KANSL1L: variants seen among roughly 807,000 people sequenced by gnomAD.
KANSL1L encodes the protein KAT8 regulatory NSL complex subunit 1-like protein.
A neutral mutation model predicts 108.6 loss-of-function variants in KANSL1L; 25 were observed. The ratio of observed to expected loss-of-function variants is 0.23; its 90% CI spans 0.17 to 0.32. The LOEUF (loss-of-function observed/expected upper bound fraction) is 0.32, where lower values mean the gene tolerates loss of function less well. Ranked by LOEUF, KANSL1L falls within the 10% of genes least tolerant of loss-of-function variation. KANSL1L has a pLI of 1.00. For missense variants in KANSL1L, 1,137 were observed against 1,125.7 expected, an observed-to-expected ratio of 1.01 and a Z score of -0.14; for synonymous variants, 405 against 395.1, an observed-to-expected ratio of 1.03 and a Z score of -0.30.
intron 2 of KANSL1L, among the ~76,000 whole-genome samples, chr2:210,143,588 A>G (rs775800917): frequency 4.6e-5 from 7 of 152,036 alleles, no homozygotes; most frequent in Non-Finnish European, 1.0e-4. Flanking sequence ...TTCTGTAATT[A>G]TATGCCTGGA....
chr2:210,036,905 C>T (rs959376647), intron 8 of KANSL1L, among the ~76,000 whole-genome samples: 9 of 151,458 alleles, frequency 5.9e-5, no homozygotes, highest in South Asian at 2.1e-4. Flanking sequence ...AACAGGTGCA[C>T]GCCACCATGC....
chr2:210,100,291 G>A (rs972138790), intron 4 of KANSL1L, among the ~76,000 whole-genome samples: 4 of 151,990 alleles, frequency 2.6e-5, no homozygotes, highest in Non-Finnish European at 2.9e-5. Flanking sequence ...CCCACCCTGC[G>A]GAAAAATTGT....
intron 3 of KANSL1L, among the ~76,000 whole-genome samples, chr2:210,114,496 A>T (rs1214904171): frequency 6.6e-6 from 1 of 152,174 alleles, no homozygotes; most frequent in African/African-American, 2.4e-5. Context: ...AAAGACGTAG[A>T]TAGTAACTTA....
chr2:210,109,618 T>G (rs1325060208), intron 3 of KANSL1L, among the ~76,000 whole-genome samples: 1 of 152,102 alleles, frequency 6.6e-6, no homozygotes, highest in South Asian at 2.1e-4. Context: ...TGTCAGCTAT[T>G]GGTCTATATT....
Position 210,075,562 on chromosome 2 carries a change from C to G in KANSL1L, c.1745G>C (p.Trp582Ser), listed in dbSNP as rs142740279. ...KLYRLSPTFY[W>S]TPQTLPSKET... ...CAAAGGCAGCCTTACCTGTGGAGTC[C>G]AATAAAAAGTAGGGCTCAATCTGTA... Residue 582 changes from tryptophan to serine, a missense_variant, in exon 6 of 15, where the codon TGG (tryptophan) becomes TCG (serine). By Grantham distance (177) the Trp-to-Ser change is radical. This residue lies in a region of KANSL1L where 575 missense variants were observed against 567.1 expected (regional missense o/e 1.01). Coordinates refer to ENST00000281772, the MANE Select transcript of KANSL1L (RefSeq NM_152519.4). The G allele has an allele frequency of 6.8e-6, 11 of 1,612,494 alleles. No individual in the cohort carries two copies. The highest frequency in any genetic ancestry group is 9.3e-6 in the Non-Finnish European group (11 of 1,178,908).
chr2:210,070,208 A>C (rs1435177853), intron 6 of KANSL1L, among the ~76,000 whole-genome samples: 2 of 143,766 alleles, frequency 1.4e-5, no homozygotes, highest in East Asian at 4.1e-4. Flanking sequence ...CTGTGTCTCA[A>C]ATCTCTTTCT....
rs1477508734 is a variant in KANSL1L, at chr2:210,021,437, TTAATTAAAAAAC to T, written c.*1500_*1511del. ...CAACACACGGCATATAGAAATAACT[TTAATTAAAAAAC>T]TTACATAGAAGATTATAATATCAGA... is the stretch of plus-strand genomic sequence containing the variant. On this transcript the variant is annotated 3_prime_UTR_variant, in exon 15 of 15. Transcript: ENST00000281772. The T allele has an allele frequency of 9.2e-5, 14 of 152,534 alleles. No homozygotes were observed. The highest frequency in any genetic ancestry group is 2.7e-4 in the African/African-American group (11 of 41,440). 9.4% of individuals were successfully genotyped at this position (152,534 alleles called of 1,614,324 possible).
intron 4 of KANSL1L, among the ~76,000 whole-genome samples, chr2:210,102,473 A>C (rs2094803668): frequency 6.6e-6 from 1 of 152,188 alleles, no homozygotes; most frequent in Non-Finnish European, 1.5e-5. Context: ...AATGGGATCT[A>C]ATTAAACTAA....
chr2:210,155,627 T>C (rs1238124107), intron 1 of KANSL1L, among the ~76,000 whole-genome samples: 2 of 152,172 alleles, frequency 1.3e-5, no homozygotes, highest in Non-Finnish European at 1.5e-5. Context: ...TAAAGATTTA[T>C]CCCATAATTA....
At chr2:210,159,289 T>C (rs1442979713) in intron 1 of KANSL1L, among the ~76,000 whole-genome samples, 4 of 152,214 alleles carry the variant, frequency 2.6e-5, no homozygotes, top group Non-Finnish European at 5.9e-5. Flanking sequence ...TCTCTCAGCC[T>C]GAAACAATTT....
At chr2:210,073,819 CTA>C (rs1481701990) in intron 6 of KANSL1L, among the ~76,000 whole-genome samples, 1 of 151,520 alleles carries the variant, frequency 6.6e-6, no homozygotes, top group Non-Finnish European at 1.5e-5. Flanking sequence ...TTCCAATTCT[CTA>C]TTGCCTTTTA....
chr2:210,139,276 C>A (rs1260586687), intron 2 of KANSL1L, among the ~76,000 whole-genome samples: 1 of 152,190 alleles, frequency 6.6e-6, no homozygotes, highest in Non-Finnish European at 1.5e-5. Flanking sequence ...TAACTGACAT[C>A]CATACCTACA....
At chr2:210,050,329 C>T (rs544506947) in intron 6 of KANSL1L, among the ~76,000 whole-genome samples, 2 of 152,116 alleles carry the variant, frequency 1.3e-5, no homozygotes, top group East Asian at 3.9e-4. Flanking sequence ...AAAATTACAT[C>T]AAGTATAAAT....
chr2:210,027,528 A>G (rs2093954411), intron 11 of KANSL1L, among the ~76,000 whole-genome samples, 178 bp from the exon 12 acceptor site: 1 of 152,250 alleles, frequency 6.6e-6, no homozygotes. Flanking sequence ...AGGACAAAAG[A>G]GAAAATGAGA....
chr2:210,039,105 A>G (rs1414071261), intron 8 of KANSL1L, among the ~76,000 whole-genome samples: 3 of 151,908 alleles, frequency 2.0e-5, no homozygotes, highest in South Asian at 2.1e-4. Flanking sequence ...TAGTCCTGCT[A>G]TTAATCTTCT....
In KANSL1L at chr2:210,170,355, AC is replaced by A. The variant is rs1398590364; in HGVS notation, c.-30+793del. ...TGCTTACCACAGTTCAAACAAAAAA[AC>A]AAACAAAAACGGACTCTCCCAGAGT... On this transcript the variant is annotated intron_variant, in intron 1 of 14. Transcript: ENST00000281772. The A allele has an allele frequency of 3.0e-6, 3 of 985,254 alleles. No homozygotes were observed. The African/African-American group carries it at 5.2e-5, about 17-fold the overall frequency. 61.0% of individuals were successfully genotyped at this position (985,254 alleles called of 1,614,324 possible). A position where few individuals can be genotyped will look rare whatever the true frequency, so the allele number is the denominator to read the frequency against.
intron 3 of KANSL1L, among the ~76,000 whole-genome samples, chr2:210,122,147 T>C (rs1376219653): frequency 6.6e-6 from 1 of 152,146 alleles, no homozygotes; most frequent in Non-Finnish European, 1.5e-5. Context: ...TCTATCAAAG[T>C]ACCACTGACA....
intron 10 of KANSL1L, 85 bp from the exon 11 acceptor site, chr2:210,029,054 C>CAGT: frequency 8.8e-7 from 1 of 1,136,454 alleles, no homozygotes; most frequent in African/African-American, 1.6e-5. Context: ...GTAAATATGG[C>CAGT]AGTACACGTT....
intron 1 of KANSL1L, among the ~76,000 whole-genome samples, chr2:210,156,773 T>C (rs1479070909): frequency 1.3e-5 from 2 of 152,028 alleles, no homozygotes; most frequent in Non-Finnish European, 2.9e-5. Context: ...AAAATCTTAT[T>C]ACTTGAGGGG....
Sources: gnomAD v4.1 joint callset for allele counts (sites outside exome capture counted in the v4.1 genomes callset) on GRCh38, gnomAD v4.1.1 for gene constraint, gnomAD v4.1.1 regional missense constraint, MANE v1.5 for transcripts, NCBI Gene and HGNC (gene_info 2026-07-23, HGNC 2026-07-21) for gene names.